The following BABAM2 variants were observed in gnomAD, a reference collection of about 807,000 sequenced individuals.
The protein encoded by BABAM2 is BRISC and BRCA1 A complex member 2, also known as BRISC and BRCA1-A complex member 2.
In BABAM2, 31 loss-of-function variants were observed where a neutral mutation model predicts 54.7. The ratio of observed to expected loss-of-function variants is 0.57; its 90% CI spans 0.43 to 0.77. The LOEUF (loss-of-function observed/expected upper bound fraction) is 0.77, where lower values mean the gene tolerates loss of function less well. Ranked by LOEUF, BABAM2 falls within the 30% of genes least tolerant of loss-of-function variation. The pLI is 0.00. For synonymous variants in BABAM2, 167 were observed against 162.9 expected, an observed-to-expected ratio of 1.03 and a Z score of -0.19; for missense variants, 364 against 455.8, an observed-to-expected ratio of 0.80 and a Z score of 1.83.
At chr2:27,949,619 C>G (rs952095734) in intron 3 of BABAM2, among the ~76,000 whole-genome samples, 3 of 151,778 alleles carry the variant, frequency 2.0e-5, no homozygotes, top group African/African-American at 7.3e-5. Flanking sequence ...CAGATAATTG[C>G]TGATAATCAT....
intron 6 of BABAM2, among the ~76,000 whole-genome samples, chr2:28,119,437 T>G (rs1668878715): frequency 6.6e-6 from 1 of 152,190 alleles, no homozygotes; most frequent in South Asian, 2.1e-4. Flanking sequence ...TTCACACACC[T>G]TTTAGATTAA....
At chr2:28,152,717 G>T (rs568699828) in intron 7 of BABAM2, among the ~76,000 whole-genome samples, 1 of 152,196 alleles carries the variant, frequency 6.6e-6, no homozygotes, top group Non-Finnish European at 1.5e-5. Flanking sequence ...AGCCAATGTT[G>T]TAGTCACTGG....
intron 4 of BABAM2, among the ~76,000 whole-genome samples, chr2:28,012,723 G>A (rs1303949389): frequency 6.6e-6 from 1 of 152,080 alleles, no homozygotes; most frequent in African/African-American, 2.4e-5. Flanking sequence ...TATTCTCTGC[G>A]TGGTTACAGT....
At chr2:28,138,717 A>G (rs578084086) in intron 7 of BABAM2, among the ~76,000 whole-genome samples, 12 of 152,168 alleles carry the variant, frequency 7.9e-5, no homozygotes, top group Non-Finnish European at 4.4e-5. Flanking sequence ...CCCTCCTTCT[A>G]ATGACCCTAG....
At chr2:28,137,127 C>T (rs116414629) in intron 7 of BABAM2, among the ~76,000 whole-genome samples, 1,963 of 151,792 alleles carry the variant, frequency 0.013, 40 homozygotes, top group African/African-American at 0.045. Flanking sequence ...AAAAAAAATC[C>T]GTATCAGTCT....
chr2:28,288,403 G>A (rs1305972859), intron 10 of BABAM2, among the ~76,000 whole-genome samples: 1 of 144,768 alleles, frequency 6.9e-6, no homozygotes, highest in Non-Finnish European at 1.5e-5. Flanking sequence ...TCACCTCATT[G>A]CAACCTCCCC....
intron 7 of BABAM2, among the ~76,000 whole-genome samples, chr2:28,143,505 T>C (rs983156498): frequency 1.3e-5 from 2 of 152,190 alleles, no homozygotes; most frequent in African/African-American, 4.8e-5. Flanking sequence ...TTATGTGCTT[T>C]TAACACACAC....
chr2:27,947,515 T>C (rs2148398772), intron 3 of BABAM2, among the ~76,000 whole-genome samples: 2 of 152,270 alleles, frequency 1.3e-5, no homozygotes, highest in South Asian at 4.1e-4. Context: ...AAATTGTCTT[T>C]AGCAAAATGT....
intron 6 of BABAM2, among the ~76,000 whole-genome samples, chr2:28,047,690 G>C (rs924213651): frequency 6.6e-6 from 1 of 152,102 alleles, no homozygotes; most frequent in African/African-American, 2.4e-5. Flanking sequence ...TGCCAAAACA[G>C]TAATGTTGTT....
intron 11 of BABAM2, among the ~76,000 whole-genome samples, chr2:28,338,114 G>GCA (rs1475159263): frequency 6.6e-6 from 1 of 152,192 alleles, no homozygotes; most frequent in Non-Finnish European, 1.5e-5. Context: ...TGGTTCAATT[G>GCA]CACACACACT....
At chr2:27,964,263 A>G (rs1031637712) in intron 3 of BABAM2, among the ~76,000 whole-genome samples, 3 of 152,162 alleles carry the variant, frequency 2.0e-5, no homozygotes, top group Non-Finnish European at 2.9e-5. Context: ...AAGCTACCAC[A>G]CTTGACCGCT....
intron 7 of BABAM2, among the ~76,000 whole-genome samples, chr2:28,201,513 A>G (rs893259200): frequency 6.6e-6 from 1 of 152,146 alleles, no homozygotes; most frequent in East Asian, 1.9e-4. Flanking sequence ...TAGGTGTTAC[A>G]TGGTGCCCTA....
intron 5 of BABAM2, among the ~76,000 whole-genome samples, chr2:28,030,208 C>G (rs1001548689): frequency 2.0e-5 from 3 of 152,122 alleles, no homozygotes; most frequent in Admixed American, 2.0e-4. Flanking sequence ...TGTAGTTCAT[C>G]TAGGTGTAGA....
intron 3 of BABAM2, among the ~76,000 whole-genome samples, chr2:27,960,811 C>T (rs1275313117): frequency 6.6e-6 from 1 of 152,148 alleles, no homozygotes. Context: ...GCTTTTTCCA[C>T]TTCACATGTT....
chr2:28,042,403 TCAAGGATTGA>T (rs1344104097), intron 5 of BABAM2, among the ~76,000 whole-genome samples: 2 of 152,152 alleles, frequency 1.3e-5, no homozygotes, highest in African/African-American at 4.8e-5. Flanking sequence ...TCTCCAATGT[TCAAGGATTGA>T]GGAGACCAGA....
rs114147155 is a variant in BABAM2 at position 28,280,350 on chromosome 2, A to T, written c.935-17988A>T. 7.3e-3 allele frequency among the ~76,000 whole-genome samples: 1,115 copies of T among 152,072 alleles called. 10 individuals carry two copies. The highest frequency in any genetic ancestry group is 0.025 in the African/African-American group (1,057 of 41,488). On this transcript the variant is annotated intron_variant, in intron 10 of 11. Coordinates refer to ENST00000379624, the MANE Select transcript of BABAM2 (RefSeq NM_199191.3). ...CTGGGATTACAGGTGTGAGCCACTG[A>T]GCCCAGCCTCATAACTGATTTTTAA... is the stretch of plus-strand genomic sequence containing the variant.
In BABAM2 at chr2:28,248,207, C is replaced by CTTTTTCTTTTTTTTTTTTTTT. The variant is rs1553349503; in HGVS notation, c.934+3350_934+3351insCTTTTTTTTTTTTTTTTTTTT. On this transcript the variant is annotated intron_variant, in intron 10 of 11. Coordinates refer to ENST00000379624, the MANE Select transcript of BABAM2 (RefSeq NM_199191.3). ...AGTAGCTTTTGTTTATTTTCTTTTTCTTTTTTTTTTTTTTTTTTTGAGACG... is the reference window on the plus strand; with the variant it reads ...AGTAGCTTTTGTTTATTTTCTTTTTCTTTTTCTTTTTTTTTTTTTTTTTTTTTTTTTTTTTTTTTTGAGACG... 1.4e-3 allele frequency among the ~76,000 whole-genome samples: 78 copies of CTTTTTCTTTTTTTTTTTTTTT among 54,304 alleles called. 12 individuals carry two copies. The highest frequency in any genetic ancestry group is 2.7e-3 in the African/African-American group (40 of 15,032). 35.6% of individuals were successfully genotyped at this position (54,304 alleles called of 152,430 possible).
chr2:28,003,254 T>C (rs1673706538), intron 4 of BABAM2, among the ~76,000 whole-genome samples: 1 of 152,200 alleles, frequency 6.6e-6, no homozygotes, highest in Non-Finnish European at 1.5e-5. Flanking sequence ...TTTCTCTTCT[T>C]GTATTGCTGT....
chr2:28,328,031 A>G (rs1180914312), intron 11 of BABAM2, among the ~76,000 whole-genome samples: 5 of 152,128 alleles, frequency 3.3e-5, no homozygotes, highest in East Asian at 1.9e-4. Flanking sequence ...CTCACTCACC[A>G]AGGCACCCAG....
Sources: gnomAD v4.1 joint callset for allele counts (sites outside exome capture counted in the v4.1 genomes callset) on GRCh38, gnomAD v4.1.1 for gene constraint, MANE v1.5 for transcripts, NCBI Gene and HGNC (gene_info 2026-07-23, HGNC 2026-07-21) for gene names.